The following WDR48 variants were observed in gnomAD, a reference collection of about 807,000 sequenced individuals.
The protein encoded by WDR48 is WD repeat domain 48, also known as WD repeat-containing protein 48.
A neutral mutation model predicts 94.0 loss-of-function variants in WDR48; 22 were observed. The ratio of observed to expected loss-of-function variants is 0.23; its 90% CI spans 0.17 to 0.33. The LOEUF is 0.33. Among genes scored for constraint, WDR48 ranks in the 10% least tolerant of loss-of-function variants. The probability of loss-of-function intolerance (pLI) is 1.00; values close to 1 mark genes in which losing one functional copy is unlikely to be tolerated. For synonymous variants in WDR48, 278 were observed against 280.5 expected (o/e 0.99, Z 0.09); for missense variants, 541 against 813.8 (o/e 0.66, Z 4.08).
At chr3:39,076,233 C>T (rs548536062) in intron 8 of WDR48, among the ~76,000 whole-genome samples, 9 of 152,150 alleles carry the variant, frequency 5.9e-5, no homozygotes, top group East Asian at 5.8e-4. Context: ...TGGCCAAGTA[C>T]GGTTCTTTAA....
At chr3:39,091,173 G>A (rs985953722) in intron 16 of WDR48, 2 of 153,220 alleles carry the variant, frequency 1.3e-5, no homozygotes, top group African/African-American at 4.8e-5. Flanking sequence ...GAAAGAAAAT[G>A]GGAGGACTTT....
chr3:39,087,751 A>C (rs1242596795), intron 14 of WDR48: 1 of 158,118 alleles, frequency 6.3e-6, no homozygotes, highest in South Asian at 1.9e-4. Flanking sequence ...TTTTTTCCTC[A>C]AGAAATTTTT....
At chr3:39,058,844 A>G (rs1036667059) in intron 1 of WDR48, among the ~76,000 whole-genome samples, 3 of 152,026 alleles carry the variant, frequency 2.0e-5, no homozygotes, top group African/African-American at 4.8e-5. Flanking sequence ...TGGGAGGCCA[A>G]GGTGGGTGGA....
intron 11 of WDR48, 138 bp downstream of exon 11, chr3:39,079,946 T>C: frequency 1.5e-5 from 7 of 468,452 alleles, no homozygotes; most frequent in Admixed American, 8.8e-5. Context: ...TACTTTCTTA[T>C]ATGAATATTA....
rs2035326608 is a variant in WDR48, at chr3:39,096,288, A to G, written c.*1545A>G. ...GAAATGGTCTTTCTCCCTTCCTCAG[A>G]GAGCAACCAGCTTCTTTTTTTTTAA... On this transcript the variant is annotated 3_prime_UTR_variant, in exon 19 of 19. Transcript: ENST00000302313. 1 of 134,006 alleles carries G rather than the reference A, an allele frequency of 7.5e-6. No individual in the cohort carries two copies. The highest frequency in any genetic ancestry group is 3.6e-5 in the African/African-American group (1 of 27,550). 8.3% of individuals were successfully genotyped at this position (134,006 alleles called of 1,614,324 possible). A position where few individuals can be genotyped will look rare whatever the true frequency, so the allele number is the denominator to read the frequency against.
chr3:39,066,648 T>C lies in WDR48; in HGVS notation c.351+18T>C. On this transcript the variant is annotated intron_variant, in intron 4 of 18. Coordinates refer to ENST00000302313, the MANE Select transcript of WDR48 (RefSeq NM_020839.4). ...CACATAAGGTAAAACAATACAGTTC[T>C]CAGTGTCTTTAGTGTAATATTGGGA... The C allele has an allele frequency of 6.2e-7, 1 of 1,613,634 alleles. No individual in the cohort carries two copies. The highest frequency in any genetic ancestry group is 8.5e-7 in the Non-Finnish European group (1 of 1,179,692).
Position 39,095,880 on chromosome 3 carries a change from AT to A in WDR48, c.*1140del. ...AATACTTTGGATTCTCCCCAAGGTCATTTGTATTCAGAGTAAATCAGTGGTC... is the reference window on the plus strand; with the variant it reads ...AATACTTTGGATTCTCCCCAAGGTCATTGTATTCAGAGTAAATCAGTGGTC... On this transcript the variant is annotated 3_prime_UTR_variant, in exon 19 of 19. Transcript: ENST00000302313. 6.5e-6 allele frequency: 1 copy of A among 152,760 alleles called. No individual in the cohort carries two copies. Among genetic ancestry groups the A allele is most frequent in the East Asian group, 1.9e-4 (1 of 5,186 alleles). The allele number at this position is 152,760 out of a possible 1,614,324, so 9.5% of individuals were successfully genotyped here. A position where few individuals can be genotyped will look rare whatever the true frequency, so the allele number is the denominator to read the frequency against.
At chr3:39,085,226 CAA>C (rs34102329) in intron 13 of WDR48, among the ~76,000 whole-genome samples, 4 of 139,430 alleles carry the variant, frequency 2.9e-5, no homozygotes, top group Admixed American at 7.2e-5. Context: ...GACTCTATCT[CAA>C]AAAAAAAAAA....
chr3:39,082,183 G>C (rs2034570725), intron 11 of WDR48, among the ~76,000 whole-genome samples: 1 of 152,164 alleles, frequency 6.6e-6, no homozygotes, highest in Admixed American at 6.5e-5. Flanking sequence ...TAATACAGGT[G>C]AAAGGTGATA....
At chr3:39,077,005 T>TA in intron 8 of WDR48, 134 bp from the exon 9 acceptor site, 2 of 889,496 alleles carry the variant, frequency 2.2e-6, no homozygotes, top group Non-Finnish European at 3.5e-6. Flanking sequence ...TGTGCATCCT[T>TA]AGTTTTTCAC....
In WDR48 at chr3:39,094,798, G is replaced by C; in HGVS notation, c.*55G>C. The C allele has an allele frequency of 6.2e-7, 1 of 1,605,602 alleles. No homozygotes were observed. The highest frequency in any genetic ancestry group is 8.5e-7 in the Non-Finnish European group (1 of 1,176,418). On this transcript the variant is annotated 3_prime_UTR_variant, in exon 19 of 19. Coordinates refer to ENST00000302313, the MANE Select transcript of WDR48 (RefSeq NM_020839.4). ...TTACGACCTTCCTCTATGGCCCCAA[G>C]AGTAGTCCTAGGAAGCCCACTGATC... is the stretch of plus-strand genomic sequence containing the variant.
chr3:39,083,792 G>T (rs1369835532), intron 11 of WDR48, among the ~76,000 whole-genome samples: 2 of 152,154 alleles, frequency 1.3e-5, no homozygotes, highest in Admixed American at 1.3e-4. Flanking sequence ...GTAGAGTAAT[G>T]GTCTCCATGG....
chr3:39,084,221 G>C lies in WDR48; in HGVS notation c.1240G>C (p.Val414Leu), dbSNP rs1468937374. 2 of 1,612,688 alleles carry C rather than the reference G, an allele frequency of 1.2e-6. No individual in the cohort carries two copies. The highest frequency in any genetic ancestry group is 1.7e-6 in the Non-Finnish European group (2 of 1,179,160). The change falls in exon 12 of 19, where the codon GTG (valine) becomes CTG (leucine). Residue 414 changes from valine to leucine, a missense_variant. Transcript: ENST00000302313. ...EDEIKKRFKM[V>L]YVPNWFSVDL... ...TGAAATTAAGAAAAGATTTAAAATG[G>C]TGTATGTGCCAAATTGGTTCTCAGT...
chr3:39,083,402 G>A (rs72859549), intron 11 of WDR48, among the ~76,000 whole-genome samples: 6,063 of 152,272 alleles, frequency 0.04, 436 homozygotes, highest in African/African-American at 0.14. Context: ...AGCCAGTAGA[G>A]ACATTCATGG....
At position 39,084,054 on chromosome 3, in the gene WDR48, C is replaced by G. The variant is rs1274857354; in HGVS notation, c.1174-101C>G. 5.1e-6 allele frequency: 4 copies of G among 782,902 alleles called. No homozygotes were observed. In the African/African-American group the frequency reaches 7.0e-5, roughly 14 times the overall value. 48.5% of individuals were successfully genotyped at this position (782,902 alleles called of 1,614,324 possible). On this transcript the variant is annotated intron_variant, in intron 11 of 18. Coordinates refer to ENST00000302313, the MANE Select transcript of WDR48 (RefSeq NM_020839.4). ...TTGAAATGTATTTTAGACTGTTTCA[C>G]TTAGACACATGTGAAAATATGTAAA...
At position 39,095,922 on chromosome 3, in the gene WDR48, G is replaced by C. The variant is rs968900179; in HGVS notation, c.*1179G>C. ...ATCAGTGGTCCACCCCCATAAAACT[G>C]TAAGACAAGCCTCCTGTATGAAGCC... On this transcript the variant is annotated 3_prime_UTR_variant, in exon 19 of 19. Transcript: ENST00000302313. The C allele has an allele frequency of 2.0e-5, 3 of 152,634 alleles. No homozygotes were observed. Among genetic ancestry groups the C allele is most frequent in the African/African-American group, 7.2e-5 (3 of 41,442 alleles). The allele number at this position is 152,634 out of a possible 1,614,324, so 9.5% of individuals were successfully genotyped here. A position where few individuals can be genotyped will look rare whatever the true frequency, so the allele number is the denominator to read the frequency against.
intron 5 of WDR48, 97 bp from the exon 6 acceptor site, chr3:39,068,674 T>C: frequency 1.3e-6 from 1 of 770,724 alleles, no homozygotes. Flanking sequence ...CTTATAAAGA[T>C]AAGATTTTCT....
At position 39,093,964 on chromosome 3, in the gene WDR48, A is replaced by G; in HGVS notation, c.1836A>G (p.Gln612=). ...EKIINLDNES[Q]TTSSSNNEKP... The stretch of plus-strand genomic sequence containing the variant: ...TTATCAACTTGGATAATGAGTCTCA[A>G]ACCACTAGCTCTTCTAATAATGAAA... The change falls in exon 18 of 19, where the codon CAA becomes CAG. Residue 612 remains glutamine (Q), a synonymous_variant. Transcript: ENST00000302313. The G allele has an allele frequency of 6.2e-7, 1 of 1,614,142 alleles. No individual in the cohort carries two copies. The highest frequency in any genetic ancestry group is 8.5e-7 in the Non-Finnish European group (1 of 1,180,020).
chr3:39,068,737 C>T (rs1438362122), intron 5 of WDR48, 34 bp from the exon 6 acceptor site: 2 of 1,525,086 alleles, frequency 1.3e-6, no homozygotes, highest in Non-Finnish European at 1.8e-6. Context: ...AGCTGATGAT[C>T]TTGTTAACAT....
Sources: gnomAD v4.1 joint callset for allele counts (sites outside exome capture counted in the v4.1 genomes callset) on GRCh38, gnomAD v4.1.1 for gene constraint, MANE v1.5 for transcripts, NCBI Gene and HGNC (gene_info 2026-07-23, HGNC 2026-07-21) for gene names.